The following TRPS1 variants were observed in gnomAD, a reference collection of about 807,000 sequenced individuals.
The protein encoded by TRPS1 is zinc finger transcription factor Trps1.
In TRPS1, 6 loss-of-function variants were observed where a neutral mutation model predicts 101.2. That is an observed-to-expected ratio of 0.06 (90% CI 0.03 to 0.12). TRPS1 has a LOEUF of 0.12. Ranked by LOEUF, TRPS1 falls within the 10% of genes least tolerant of loss-of-function variation. The probability of loss-of-function intolerance (pLI) is 1.00; values close to 1 mark genes in which losing one functional copy is unlikely to be tolerated. For missense variants in TRPS1, 1,363 were observed against 1,567.0 expected (o/e 0.87, Z 2.20); for synonymous variants, 578 against 589.8 (o/e 0.98, Z 0.29).
chr8:115,624,149 AC>A (rs1164927183), intron 1 of TRPS1, among the ~76,000 whole-genome samples: 2 of 88,530 alleles, frequency 2.3e-5, no homozygotes, highest in Non-Finnish European at 4.7e-5. Context: ...CGTAATCACA[AC>A]AATGAACACA....
chr8:115,597,369 T>G (rs1380521392), intron 4 of TRPS1, among the ~76,000 whole-genome samples: 1 of 152,052 alleles, frequency 6.6e-6, no homozygotes, highest in Non-Finnish European at 1.5e-5. Context: ...TGGCCCTGTA[T>G]AACTTTATCA....
chr8:115,625,397 TC>T (rs1215702797), intron 1 of TRPS1, among the ~76,000 whole-genome samples: 7 of 151,896 alleles, frequency 4.6e-5, no homozygotes, highest in Admixed American at 2.6e-4. Context: ...CTACAATAGT[TC>T]CGGTTAATAG....
intron 1 of TRPS1, among the ~76,000 whole-genome samples, chr8:115,642,670 G>A (rs567388335): frequency 2.0e-5 from 3 of 151,618 alleles, no homozygotes; most frequent in Non-Finnish European, 4.4e-5. Flanking sequence ...GACTCCAAAG[G>A]TGCATGGTAA....
At chr8:115,536,569 T>C (rs116766170) in intron 5 of TRPS1, among the ~76,000 whole-genome samples, 10 of 151,324 alleles carry the variant, frequency 6.6e-5, no homozygotes, top group African/African-American at 2.4e-4. Flanking sequence ...TAAAATGCCA[T>C]TTACATACTT....
intron 5 of TRPS1, among the ~76,000 whole-genome samples, chr8:115,522,231 A>T (rs1301452292): frequency 6.6e-6 from 1 of 151,982 alleles, no homozygotes; most frequent in African/African-American, 2.4e-5. Context: ...TCCCACAATA[A>T]TAAAGTGTAA....
At chr8:115,506,939 G>A (rs1815459297) in intron 5 of TRPS1, among the ~76,000 whole-genome samples, 1 of 152,104 alleles carries the variant, frequency 6.6e-6, no homozygotes, top group African/African-American at 2.4e-5. Context: ...AAAAGGTCAA[G>A]AGTCTAATTC....
At chr8:115,594,592 A>G (rs1190326340) in intron 4 of TRPS1, among the ~76,000 whole-genome samples, 1 of 142,142 alleles carries the variant, frequency 7.0e-6, no homozygotes, top group Non-Finnish European at 1.5e-5. Context: ...TATTTAATTC[A>G]AGTGACTTAG....
rs1325579326 is a variant in TRPS1, at chr8:115,522,482, C to G, written c.2700+64519G>C. ...GGAAATTTTTTAAAAAAGAAGTTTTCAAAGTAAAGTGTCTGGTCGCTTTAT... is the reference window on the plus strand; with the variant it reads ...GGAAATTTTTTAAAAAAGAAGTTTTGAAAGTAAAGTGTCTGGTCGCTTTAT... On this transcript the variant is annotated intron_variant, in intron 5 of 6. Transcript: ENST00000395715. 5.3e-5 allele frequency among the ~76,000 whole-genome samples: 8 copies of G among 151,964 alleles called. No individual in the cohort carries two copies. The East Asian group carries it at 1.5e-3, about 29-fold the overall frequency.
At chr8:115,583,948 C>T (rs532045404) in intron 5 of TRPS1, among the ~76,000 whole-genome samples, 19 of 151,974 alleles carry the variant, frequency 1.3e-4, no homozygotes, top group South Asian at 4.1e-4. Context: ...GAGAACATTT[C>T]GAAATTTTAG....
chr8:115,423,558 T>C (rs1482825847), intron 5 of TRPS1, among the ~76,000 whole-genome samples: 3 of 152,216 alleles, frequency 2.0e-5, no homozygotes, highest in Admixed American at 6.5e-5. Flanking sequence ...TCCAGTGTAA[T>C]TTTTTCCTCC....
chr8:115,538,024 T>C (rs1816363660), intron 5 of TRPS1, among the ~76,000 whole-genome samples: 2 of 152,346 alleles, frequency 1.3e-5, no homozygotes, highest in South Asian at 4.1e-4. Flanking sequence ...GAGAATTCTT[T>C]ACTTAACTTA....
At chr8:115,510,568 C>T (rs1208127731) in intron 5 of TRPS1, among the ~76,000 whole-genome samples, 1 of 151,958 alleles carries the variant, frequency 6.6e-6, no homozygotes, top group Non-Finnish European at 1.5e-5. Flanking sequence ...CACTGTTTCT[C>T]AATCGTCAAT....
In TRPS1 at chr8:115,414,288, T is replaced by C. The variant is rs2129746312; in HGVS notation, c.3620A>G (p.Glu1207Gly). Residue 1207 changes from glutamate to glycine, a missense_variant, in exon 7 of 7, where the codon GAA (glutamate) becomes GGA (glycine). Glu to Gly is a moderately conservative substitution (Grantham distance 98). This residue lies in a region of TRPS1 where 307 missense variants were observed against 392.4 expected (regional missense o/e 0.78). Coordinates refer to ENST00000395715, the MANE Select transcript of TRPS1 (RefSeq NM_014112.5). This position sits in a 1 kb window ranked among gnomAD's most constrained non-coding sequence, Gnocchi z 4.8. The part of the protein sequence containing the change: ...KTKAPPNVKN[E>G]GPLNVVKTEK... ...TGTTTTTACTACATTCAAGGGACCT[T>C]CATTTTTTACATTTGGTGGTGCCTT... is the stretch of plus-strand genomic sequence containing the variant. 1 of 1,613,980 alleles carries C rather than the reference T, an allele frequency of 6.2e-7. No homozygotes were observed. Among genetic ancestry groups the C allele is most frequent in the Admixed American group, 1.7e-5 (1 of 59,944 alleles).
intron 5 of TRPS1, among the ~76,000 whole-genome samples, chr8:115,470,405 TAAG>T (rs1301175217): frequency 6.6e-6 from 1 of 152,234 alleles, no homozygotes; most frequent in African/African-American, 2.4e-5. Context: ...TTTTACATAT[TAAG>T]AACATAATTA....
chr8:115,650,151 T>C (rs1447219910), intron 1 of TRPS1, among the ~76,000 whole-genome samples: 5 of 152,200 alleles, frequency 3.3e-5, no homozygotes, highest in Non-Finnish European at 5.9e-5. Flanking sequence ...CCCCTACTTA[T>C]TAACTAGCAT....
intron 5 of TRPS1, among the ~76,000 whole-genome samples, chr8:115,553,107 A>C (rs1816739309): frequency 6.6e-6 from 1 of 152,166 alleles, no homozygotes; most frequent in Non-Finnish European, 1.5e-5. Context: ...GGCCAATTTT[A>C]AGTTTACATA....
chr8:115,541,499 C>G (rs1304262507), intron 5 of TRPS1, among the ~76,000 whole-genome samples: 1 of 152,156 alleles, frequency 6.6e-6, no homozygotes, highest in Admixed American at 6.5e-5. Flanking sequence ...AGACATACTT[C>G]CAAACTTATA....
chr8:115,606,807 C>CAAAAAA (rs72238288), intron 3 of TRPS1, among the ~76,000 whole-genome samples: 1 of 123,452 alleles, frequency 8.1e-6, no homozygotes, highest in Non-Finnish European at 1.8e-5. Context: ...GTTCATTTGC[C>CAAAAAA]AAAAAAAAAA....
At chr8:115,535,208 G>A (rs111205810) in intron 5 of TRPS1, among the ~76,000 whole-genome samples, 1,350 of 110,694 alleles carry the variant, frequency 0.012, 13 homozygotes, top group Non-Finnish European at 0.018. Flanking sequence ...TATAGCATAT[G>A]TATAGCATAT....
Sources: allele counts gnomAD v4.1 joint callset (sites outside exome capture counted in the v4.1 genomes callset), GRCh38; gene constraint gnomAD v4.1.1; regional missense constraint gnomAD v4.1.1; non-coding constraint Gnocchi (gnomAD v3.1); transcripts MANE v1.5; gene names NCBI Gene and HGNC (gene_info 2026-07-23, HGNC 2026-07-21).